The following CELSR3 variants were observed in gnomAD, a reference collection of about 807,000 sequenced individuals.
The protein encoded by CELSR3 is cadherin EGF LAG seven-pass G-type receptor 3.
CELSR3 carries 73 observed loss-of-function variants against 270.0 expected under a neutral mutation model. That is an observed-to-expected ratio of 0.27 (90% confidence interval 0.22 to 0.33). The LOEUF is 0.33. Among genes scored for constraint, CELSR3 ranks in the 10% least tolerant of loss-of-function variants. The pLI is 1.00. For missense variants in CELSR3, 3,614 were observed against 4,533.8 expected, an observed-to-expected ratio of 0.80 and a Z score of 5.83; for synonymous variants, 1,780 against 1,905.4, an observed-to-expected ratio of 0.93 and a Z score of 1.71.
At position 48,647,951 on chromosome 3, in the gene CELSR3, G is replaced by GC; in HGVS notation, c.7018dup (p.Ala2340GlyfsTer9). ...GCTATGGTAGCGAGGGTAGCGACGG[G>GC]CCCCCCGGGGAGAACTGGGGTGCTC... On this transcript the variant is annotated frameshift_variant, in exon 20 of 35. Coordinates refer to ENST00000164024, the MANE Select transcript of CELSR3 (RefSeq NM_001407.3). LOFTEE classifies it high-confidence loss of function. 1 of 1,612,028 alleles carries GC rather than the reference G, an allele frequency of 6.2e-7. No individual in the cohort carries two copies.
chr3:48,660,753 G>T lies in CELSR3; in HGVS notation c.1882C>A (p.Pro628Thr), dbSNP rs745588836. ...LRIRAQDAGR[P>T]PLSNNTGLAS... ...AGGCCCGTGTTGTTGGACAGCGGTG[G>T]CCGGCCAGCATCCTGCGCCCTGATG... Residue 628 changes from proline (P) to threonine (T), a missense_variant, in exon 1 of 35, where the codon CCA (proline) becomes ACA (threonine). By Grantham distance (38) the Pro-to-Thr change is conservative. This residue lies in a region of CELSR3 where 354 missense variants were observed against 500.9 expected (regional missense o/e 0.71). Coordinates refer to ENST00000164024, the MANE Select transcript of CELSR3 (RefSeq NM_001407.3). This position sits in a 1 kb window ranked among gnomAD's most constrained non-coding sequence, Gnocchi z 5.5. 2 of 1,614,100 alleles carry T rather than the reference G, an allele frequency of 1.2e-6. No homozygotes were observed. Among genetic ancestry groups the T allele is most frequent in the East Asian group, 4.5e-5 (2 of 44,878 alleles).
At chr3:48,656,620 C>A in intron 2 of CELSR3, 78 bp downstream of exon 2, 1 of 1,413,286 alleles carries the variant, frequency 7.1e-7, no homozygotes, top group Non-Finnish European at 9.3e-7. Flanking sequence ...AAGTGACTCC[C>A]AGTACTCACT....
Position 48,657,056 on chromosome 3 carries a change from G to A in CELSR3, c.4041C>T (p.Phe1347=), listed in dbSNP as rs1484492089. The A allele has an allele frequency of 1.2e-6, 2 of 1,613,608 alleles. No homozygotes were observed. The highest frequency in any genetic ancestry group is 1.7e-5 in the Admixed American group (1 of 59,996). Residue 1347 remains phenylalanine, a synonymous_variant, in exon 2 of 35, where the codon TTC becomes TTT. Transcript: ENST00000164024. This position sits in a 1 kb window ranked among gnomAD's most constrained non-coding sequence, Gnocchi z 5.4. ...ACTGCTCCTGCAGCTCCTCGGAGCT[G>A]AACCAGGGCCCTGCAGCGCCCGCCC... ...GAGAGAAGPW[F]SSEELQEQLY... is the part of the protein sequence containing the mutation.
intron 2 of CELSR3, 145 bp downstream of exon 2, chr3:48,656,553 C>T (rs1023692851): frequency 2.4e-6 from 3 of 1,250,948 alleles, no homozygotes; most frequent in Middle Eastern, 2.8e-4. Context: ...GCGGCCCCTT[C>T]CGGCCACGCT....
At position 48,661,067 on chromosome 3, in the gene CELSR3, C is replaced by G. The variant is rs575988114; in HGVS notation, c.1568G>C (p.Gly523Ala). Reference sequence around the variant, plus strand: ...TACGCGCACAGTGGCCGAGCGCGGCCCGGGTTCCTGGCCCTGGTCGCTGGC... The same window carrying G: ...TACGCGCACAGTGGCCGAGCGCGGCGCGGGTTCCTGGCCCTGGTCGCTGGC... ...VEASDQGQEPGPRSATVRVHI... is the reference protein window; with the variant it reads ...VEASDQGQEPAPRSATVRVHI... The change falls in exon 1 of 35, where the codon GGG becomes GCG. Residue 523 changes from glycine to alanine, a missense_variant. This residue lies in a region of CELSR3 where 354 missense variants were observed against 500.9 expected (regional missense o/e 0.71). Transcript: ENST00000164024. 5.0e-6 allele frequency: 8 copies of G among 1,613,702 alleles called. No individual in the cohort carries two copies. The South Asian group carries it at 8.8e-5, about 18-fold the overall frequency.
Position 48,644,727 on chromosome 3 carries a change from G to C in CELSR3, c.8074C>G (p.Leu2692Val). ...TCCAGGGCACTCACCACTATGACCAGGACAACAGGGCCAGCAAAGCTCCAG... is the reference window on the plus strand; with the variant it reads ...TCCAGGGCACTCACCACTATGACCACGACAACAGGGCCAGCAAAGCTCCAG... ...LIWSFAGPVV[L>V]VIVMNGTMFL... The change falls in exon 26 of 35, where the codon CTG (leucine) becomes GTG (valine). Residue 2692 changes from leucine (L) to valine (V), a missense_variant. Physicochemically the swap from Leu to Val is conservative, Grantham distance 32. Transcript: ENST00000164024. The surrounding 1 kb of genome is among the most constrained non-coding windows in gnomAD (Gnocchi z 4.8). 1 of 1,613,180 alleles carries C rather than the reference G, an allele frequency of 6.2e-7. No individual in the cohort carries two copies. Among genetic ancestry groups the C allele is most frequent in the Non-Finnish European group, 8.5e-7 (1 of 1,179,674 alleles).
In CELSR3 at chr3:48,646,976, G is replaced by C. The variant is rs2047090160; in HGVS notation, c.7130-48C>G. 6.8e-7 allele frequency: 1 copy of C among 1,463,902 alleles called. No individual in the cohort carries two copies. Among genetic ancestry groups the C allele is most frequent in the African/African-American group, 1.5e-5 (1 of 68,204 alleles). The allele number at this position is 1,463,902 out of a possible 1,614,324, so 90.7% of individuals were successfully genotyped here. ...TTCTGTCAGTGACCTTTGACCCAAAGCACCCACCAACCCAGCTCTGAACCC... is the reference window on the plus strand; with the variant it reads ...TTCTGTCAGTGACCTTTGACCCAAACCACCCACCAACCCAGCTCTGAACCC... On this transcript the variant is annotated intron_variant, in intron 20 of 34. Coordinates refer to ENST00000164024, the MANE Select transcript of CELSR3 (RefSeq NM_001407.3). This position sits in a 1 kb window ranked among gnomAD's most constrained non-coding sequence, Gnocchi z 4.8.
chr3:48,659,539 C>T lies in CELSR3; in HGVS notation c.3096G>A (p.Val1032=), dbSNP rs1220506606. ...CCACTGCGTAGGCAGTCAACTCATA[C>T]ACTGATACTGCCTCCCGGTCTAGCC... is the stretch of plus-strand genomic sequence containing the variant. ...VRRLDREAVS[V]YELTAYAVDR... is the part of the protein sequence containing the mutation. The change falls in exon 1 of 35, where the codon GTG becomes GTA. Residue 1032 remains valine (V), a synonymous_variant. Coordinates refer to ENST00000164024, the MANE Select transcript of CELSR3 (RefSeq NM_001407.3). This position sits in a 1 kb window ranked among gnomAD's most constrained non-coding sequence, Gnocchi z 8.1. 1 of 1,614,218 alleles carries T rather than the reference C, an allele frequency of 6.2e-7. No homozygotes were observed. The highest frequency in any genetic ancestry group is 1.1e-5 in the South Asian group (1 of 91,086).
At chr3:48,638,609 A>G (rs1182219870) in intron 34 of CELSR3, among the ~76,000 whole-genome samples, 1 of 152,152 alleles carries the variant, frequency 6.6e-6, no homozygotes, top group Non-Finnish European at 1.5e-5. Flanking sequence ...GCCTAAGGTC[A>G]CGCAGCTAGT....
chr3:48,657,830 A>G lies in CELSR3; in HGVS notation c.3749-482T>C, dbSNP rs2077034726. On this transcript the variant is annotated intron_variant, in intron 1 of 34. Coordinates refer to ENST00000164024, the MANE Select transcript of CELSR3 (RefSeq NM_001407.3). This position sits in a 1 kb window ranked among gnomAD's most constrained non-coding sequence, Gnocchi z 5.4. ...CCCCTCCAGAAAAGAAGGGTTCCAG[A>G]TCAGGGATCACCTATCTCCTATTTT... Among the ~76,000 whole-genome samples, 1 of 152,162 alleles carries G rather than the reference A, an allele frequency of 6.6e-6. No individual in the cohort carries two copies. Among genetic ancestry groups the G allele is most frequent in the Non-Finnish European group, 1.5e-5 (1 of 68,026 alleles).
In CELSR3 at chr3:48,655,464, C is replaced by T; in HGVS notation, c.4742-70G>A. Reference sequence around the variant, plus strand: ...CCCCATCCCACCCGTCATATAAGCACAACCATTCCCAGGGCCACCCTGGAT... The same window carrying T: ...CCCCATCCCACCCGTCATATAAGCATAACCATTCCCAGGGCCACCCTGGAT... On this transcript the variant is annotated intron_variant, in intron 4 of 34. Coordinates refer to ENST00000164024, the MANE Select transcript of CELSR3 (RefSeq NM_001407.3). The surrounding 1 kb of genome is among the most constrained non-coding windows in gnomAD (Gnocchi z 5.8). 6.6e-7 allele frequency: 1 copy of T among 1,506,666 alleles called. No homozygotes were observed. Among genetic ancestry groups the T allele is most frequent in the Non-Finnish European group, 9.2e-7 (1 of 1,086,030 alleles). The allele number at this position is 1,506,666 out of a possible 1,614,324, so 93.3% of individuals were successfully genotyped here.
chr3:48,645,530 A>G lies in CELSR3; in HGVS notation c.7710T>C (p.Asn2570=), dbSNP rs752546089. 2 of 1,612,766 alleles carry G rather than the reference A, an allele frequency of 1.2e-6. No individual in the cohort carries two copies. The highest frequency in any genetic ancestry group is 1.7e-6 in the Non-Finnish European group (2 of 1,180,010). The change falls in exon 24 of 35, where the codon AAT becomes AAC. Residue 2570 remains asparagine, a synonymous_variant. Transcript: ENST00000164024. This position sits in a 1 kb window ranked among gnomAD's most constrained non-coding sequence, Gnocchi z 5.4. ...CCACATTGGCATGGATCCCACGCAC[A>G]TTGGACTTGAGGCTGCGCAGGCTCA... is the stretch of plus-strand genomic sequence containing the variant. ...ILLSLRSLKS[N]VRGIHANVAA...
rs758145394 is a variant in CELSR3, at chr3:48,641,901, C to T, written c.8774G>A (p.Arg2925Gln). The T allele has an allele frequency of 7.0e-6, 11 of 1,579,800 alleles. No homozygotes were observed. Among genetic ancestry groups the T allele is most frequent in the Admixed American group, 3.7e-5 (2 of 54,552 alleles). Reference protein sequence around the residue: ...DNGRTRGRFQRPLCRAAQSER... With the variant: ...DNGRTRGRFQQPLCRAAQSER... ...ACTCTGGGCTGCTCGGCAGAGTGGC[C>T]GTTGGAAGCGCCCCCGCGTCCGGCC... The change falls in exon 32 of 35, where the codon CGG becomes CAG. Residue 2925 changes from arginine to glutamine, a missense_variant. By Grantham distance (43) the Arg-to-Gln change is conservative. Transcript: ENST00000164024. The surrounding 1 kb of genome is among the most constrained non-coding windows in gnomAD (Gnocchi z 4.8).
At chr3:48,649,884 ATC>A (rs756720883) in intron 16 of CELSR3, among the ~76,000 whole-genome samples, 5 of 152,258 alleles carry the variant, frequency 3.3e-5, no homozygotes, top group Non-Finnish European at 5.9e-5. Context: ...TACACAAACA[ATC>A]TCTGTCCAGC....
chr3:48,644,677 A>C lies in CELSR3; in HGVS notation c.8085+39T>G. 6.7e-7 allele frequency: 1 copy of C among 1,490,846 alleles called. No individual in the cohort carries two copies. The highest frequency in any genetic ancestry group is 9.3e-7 in the Non-Finnish European group (1 of 1,069,908). 92.4% of individuals were successfully genotyped at this position (1,490,846 alleles called of 1,614,324 possible). ...ACTGCACCTCCTCCCCCAATGAGGG[A>C]GGGAAGTACAGAGGGGGCACCAAGT... On this transcript the variant is annotated intron_variant, in intron 26 of 34. Coordinates refer to ENST00000164024, the MANE Select transcript of CELSR3 (RefSeq NM_001407.3). This position sits in a 1 kb window ranked among gnomAD's most constrained non-coding sequence, Gnocchi z 4.8.
Position 48,653,596 on chromosome 3 carries a change from AG to A in CELSR3, c.5448+22del. The A allele has an allele frequency of 1.2e-6, 2 of 1,610,694 alleles. No individual in the cohort carries two copies. Among genetic ancestry groups the A allele is most frequent in the Non-Finnish European group, 1.7e-6 (2 of 1,177,806 alleles). ...CTAAGAGACTGAGAACTGAGGGTAT[AG>A]GGGTGAGCAGGGTGGACACACCTGG... On this transcript the variant is annotated intron_variant, in intron 9 of 34. Coordinates refer to ENST00000164024, the MANE Select transcript of CELSR3 (RefSeq NM_001407.3). This position sits in a 1 kb window ranked among gnomAD's most constrained non-coding sequence, Gnocchi z 6.5.
chr3:48,648,539 G>T lies in CELSR3; in HGVS notation c.6778-78C>A, dbSNP rs1017999691. On this transcript the variant is annotated intron_variant, in intron 18 of 34. Transcript: ENST00000164024. ...GGGATAGGGCAGGCATGAGAGGTCT[G>T]GACAGGTGCTCAGAGGGGCTCCAAC... 5 of 1,437,884 alleles carry T rather than the reference G, an allele frequency of 3.5e-6. No individual in the cohort carries two copies. The African/African-American group carries it at 7.1e-5, about 20-fold the overall frequency. The allele number at this position is 1,437,884 out of a possible 1,614,324, so 89.1% of individuals were successfully genotyped here. A position where few individuals can be genotyped will look rare whatever the true frequency, so the allele number is the denominator to read the frequency against.
rs1257934904 is a variant in CELSR3 at position 48,655,262 on chromosome 3, G to GCAT, written c.4830+41_4830+43dup. The GCAT allele has an allele frequency of 6.2e-7, 1 of 1,613,874 alleles. No homozygotes were observed. Among genetic ancestry groups the GCAT allele is most frequent in the Non-Finnish European group, 8.5e-7 (1 of 1,179,926 alleles). ...AGTAACCCCTGAGGAGCAGAAGTCAGCATCCCAACTCCCCTCATACCCGAT... is the reference window on the plus strand; with the variant it reads ...AGTAACCCCTGAGGAGCAGAAGTCAGCATCATCCCAACTCCCCTCATACCCGAT... On this transcript the variant is annotated intron_variant, in intron 5 of 34. Transcript: ENST00000164024. The surrounding 1 kb of genome is among the most constrained non-coding windows in gnomAD (Gnocchi z 5.8).
In CELSR3 at chr3:48,658,936, C is replaced by T. The variant is rs1575545622; in HGVS notation, c.3699G>A (p.Lys1233=). The stretch of plus-strand genomic sequence containing the variant: ...CCACCAGTGGGCGGTTATTGTCTAG[C>T]TTTCGGCTGAGTCGCAGCTCCCCAC... ...QTSGELRLSR[K]LDNNRPLVAS... is the part of the protein sequence containing the mutation. The change falls in exon 1 of 35, where the codon AAG becomes AAA. Residue 1233 remains lysine, a synonymous_variant. Coordinates refer to ENST00000164024, the MANE Select transcript of CELSR3 (RefSeq NM_001407.3). This position sits in a 1 kb window ranked among gnomAD's most constrained non-coding sequence, Gnocchi z 4.7. The T allele has an allele frequency of 2.5e-6, 4 of 1,614,082 alleles. No individual in the cohort carries two copies. Among genetic ancestry groups the T allele is most frequent in the Middle Eastern group, 1.6e-4 (1 of 6,084 alleles).
Sources: allele counts gnomAD v4.1 joint callset (sites outside exome capture counted in the v4.1 genomes callset), GRCh38; gene constraint gnomAD v4.1.1; regional missense constraint gnomAD v4.1.1; non-coding constraint Gnocchi (gnomAD v3.1); transcripts MANE v1.5; gene names NCBI Gene and HGNC (gene_info 2026-07-23, HGNC 2026-07-21).